The following ZBTB20 variants were observed in gnomAD, a reference collection of about 807,000 sequenced individuals.
ZBTB20 encodes zinc finger and BTB domain containing 20.
ZBTB20 carries 9 observed loss-of-function variants against 56.9 expected under a neutral mutation model. The observed-to-expected ratio is 0.16, with a 90% CI of 0.10 to 0.28. The LOEUF is 0.28. ZBTB20 is among the 10% of genes least tolerant of loss of function. The pLI is 1.00. For missense variants in ZBTB20, 655 were observed against 1,003.0 expected (o/e 0.65, Z 4.69); for synonymous variants, 417 against 420.7 (o/e 0.99, Z 0.11).
intron 4 of ZBTB20, among the ~76,000 whole-genome samples, chr3:114,824,684 T>C (rs115366181): frequency 1.1e-3 from 173 of 151,968 alleles, no homozygotes; most frequent in African/African-American, 3.9e-3. Flanking sequence ...GATCACAGTG[T>C]CCCTAAGACT....
intron 6 of ZBTB20, among the ~76,000 whole-genome samples, chr3:114,630,608 T>C (rs2058890577): frequency 6.6e-6 from 1 of 152,212 alleles, no homozygotes; most frequent in Non-Finnish European, 1.5e-5. Context: ...AGGTTGCTTA[T>C]GTTGTAGAAG....
intron 4 of ZBTB20, among the ~76,000 whole-genome samples, chr3:114,830,018 G>C (rs1237451997): frequency 6.6e-6 from 1 of 151,862 alleles, no homozygotes; most frequent in Non-Finnish European, 1.5e-5. Context: ...TGATCTCTAT[G>C]AGTTTTCATA....
chr3:114,510,046 G>A (rs886400174), intron 6 of ZBTB20, among the ~76,000 whole-genome samples: 3 of 152,080 alleles, frequency 2.0e-5, no homozygotes, highest in Non-Finnish European at 4.4e-5. Context: ...GTGAAATACC[G>A]TGAAACACAA....
At chr3:114,967,695 G>C (rs1049540618) in intron 3 of ZBTB20, among the ~76,000 whole-genome samples, 1 of 128,584 alleles carries the variant, frequency 7.8e-6, no homozygotes, top group Non-Finnish European at 1.7e-5. Flanking sequence ...AGTGGCTCAC[G>C]CCTGTAATCT....
chr3:114,351,098 A>G lies in ZBTB20; in HGVS notation c.980T>C (p.Ile327Thr), dbSNP rs749119618. 6.2e-7 allele frequency: 1 copy of G among 1,603,536 alleles called. No homozygotes were observed. Among genetic ancestry groups the G allele is most frequent in the Non-Finnish European group, 8.5e-7 (1 of 1,178,820 alleles). ...GTCCTCCATCTCCTGCTTGATGTGG[A>G]TGTTGCCCACTAGGGTCTGGATGCG... ...PVRIQTLVGNIHIKQEMEDDY... is the reference protein window; with the variant it reads ...PVRIQTLVGNTHIKQEMEDDY... Residue 327 changes from isoleucine (I) to threonine (T), a missense_variant, in exon 11 of 12, where the codon ATC (isoleucine) becomes ACC (threonine). By Grantham distance (89) the Ile-to-Thr change is moderately conservative. This residue lies in a region of ZBTB20 where 167 missense variants were observed against 281.9 expected (regional missense o/e 0.59). Transcript: ENST00000675478.
rs1191220161 is a variant in ZBTB20, at chr3:114,326,357, G to C, written c.*12648C>G. On this transcript the variant is annotated 3_prime_UTR_variant, in exon 12 of 12. Coordinates refer to ENST00000675478, the MANE Select transcript of ZBTB20 (RefSeq NM_001348800.3). ...TTTGGCCCCAGACCTGTTAGTTTAG[G>C]TAAATACGGTTTCTTTCTCAAGGAA... 6.6e-6 allele frequency: 1 copy of C among 152,120 alleles called. No homozygotes were observed. The highest frequency in any genetic ancestry group is 1.5e-5 in the Non-Finnish European group (1 of 67,996). The allele number at this position is 152,120 out of a possible 1,614,324, so 9.4% of individuals were successfully genotyped here.
intron 4 of ZBTB20, among the ~76,000 whole-genome samples, chr3:114,814,257 T>C (rs2072766035): frequency 6.7e-6 from 1 of 149,188 alleles, no homozygotes; most frequent in Non-Finnish European, 1.5e-5. Context: ...ATATTTCACT[T>C]ACTGTCATTT....
intron 5 of ZBTB20, among the ~76,000 whole-genome samples, chr3:114,749,483 G>A (rs1458093722): frequency 6.6e-6 from 1 of 151,908 alleles, no homozygotes; most frequent in Non-Finnish European, 1.5e-5. Context: ...AACCCAGGAG[G>A]CGGAGCTTGC....
chr3:114,828,047 T>C (rs559568384), intron 4 of ZBTB20, among the ~76,000 whole-genome samples: 1 of 151,868 alleles, frequency 6.6e-6, no homozygotes, highest in Non-Finnish European at 1.5e-5. Flanking sequence ...GATTAACTGA[T>C]AAATCTATTT....
At chr3:114,949,773 G>GA (rs1162829666) in intron 3 of ZBTB20, among the ~76,000 whole-genome samples, 2 of 149,424 alleles carry the variant, frequency 1.3e-5, no homozygotes, top group South Asian at 2.1e-4. Context: ...TCTCAAAAAA[G>GA]AAAAAAAAGA....
intron 6 of ZBTB20, among the ~76,000 whole-genome samples, chr3:114,551,410 T>G (rs2110197805): frequency 6.6e-6 from 1 of 152,282 alleles, no homozygotes; most frequent in East Asian, 1.9e-4. Flanking sequence ...AGTAATAAGC[T>G]TTACAAAAGA....
chr3:114,664,544 C>A (rs1481250725), intron 6 of ZBTB20, among the ~76,000 whole-genome samples: 4 of 151,918 alleles, frequency 2.6e-5, no homozygotes, highest in Non-Finnish European at 5.9e-5. Context: ...TCTTGAAGCA[C>A]TACTTGAATT....
intron 5 of ZBTB20, among the ~76,000 whole-genome samples, chr3:114,785,652 T>A (rs923299730): frequency 4.6e-5 from 7 of 151,832 alleles, no homozygotes; most frequent in African/African-American, 1.7e-4. Flanking sequence ...GAGGTAAAAC[T>A]GACAATAATT....
At chr3:114,594,459 G>T (rs1179877620) in intron 6 of ZBTB20, among the ~76,000 whole-genome samples, 1 of 151,862 alleles carries the variant, frequency 6.6e-6, no homozygotes, top group East Asian at 1.9e-4. Flanking sequence ...TAGAGACGGG[G>T]TTTCACTATG....
At chr3:115,117,403 G>A (rs2084050884) in intron 1 of ZBTB20, among the ~76,000 whole-genome samples, 1 of 152,000 alleles carries the variant, frequency 6.6e-6, no homozygotes, top group African/African-American at 2.4e-5. Context: ...CAGCTACATA[G>A]AACTCACCTT....
intron 5 of ZBTB20, among the ~76,000 whole-genome samples, chr3:114,721,630 G>C (rs1426779892): frequency 9.2e-5 from 14 of 152,142 alleles, no homozygotes. Context: ...AGGTTATGCA[G>C]TTAGTAAGTG....
At chr3:114,635,859 G>A (rs756176541) in intron 6 of ZBTB20, among the ~76,000 whole-genome samples, 3 of 151,870 alleles carry the variant, frequency 2.0e-5, no homozygotes, top group Non-Finnish European at 2.9e-5. Flanking sequence ...GGAGAAGAGA[G>A]GGAAAGGGGT....
At chr3:114,722,837 C>A (rs1457661699) in intron 5 of ZBTB20, among the ~76,000 whole-genome samples, 3 of 152,180 alleles carry the variant, frequency 2.0e-5, no homozygotes, top group East Asian at 3.9e-4. Context: ...TCCAATCAAA[C>A]AGGTCCTTGG....
intron 6 of ZBTB20, among the ~76,000 whole-genome samples, chr3:114,661,381 T>C (rs1047022685): frequency 2.6e-5 from 4 of 152,170 alleles, no homozygotes; most frequent in African/African-American, 9.6e-5. Flanking sequence ...GTGAATCCCG[T>C]TCTTCCCATA....
Sources: gnomAD v4.1 joint callset for allele counts (sites outside exome capture counted in the v4.1 genomes callset) on GRCh38, gnomAD v4.1.1 for gene constraint, gnomAD v4.1.1 regional missense constraint, MANE v1.5 for transcripts, NCBI Gene and HGNC (gene_info 2026-07-23, HGNC 2026-07-21) for gene names.